Variants in PACC1 observed in about 807,000 individuals in gnomAD.
The protein encoded by PACC1 is proton activated chloride channel 1, also known as proton-activated chloride channel.
In PACC1, 34 loss-of-function variants were observed where a neutral mutation model predicts 39.7. The observed-to-expected ratio is 0.86, with a 90% CI of 0.65 to 1.14. The LOEUF is 1.14. PACC1 is among the 50% of genes most tolerant of loss of function. The pLI, the probability that PACC1 is intolerant of heterozygous loss-of-function variation, is 0.00. For missense variants in PACC1, 379 were observed against 436.4 expected, an observed-to-expected ratio of 0.87 and a Z score of 1.17; for synonymous variants, 127 against 160.6, an observed-to-expected ratio of 0.79 and a Z score of 1.58.
chr1:212,387,191 C>T (rs144983081), intron 2 of PACC1, 91 bp from the exon 3 acceptor site: 2 of 1,349,538 alleles, frequency 1.5e-6, no homozygotes, highest in African/African-American at 1.4e-5. Context: ...GCCTGCCTCA[C>T]CAAGGAGGTG....
intron 4 of PACC1, among the ~76,000 whole-genome samples, chr1:212,384,463 A>C (rs1298601745): frequency 2.0e-5 from 3 of 152,142 alleles, no homozygotes; most frequent in Non-Finnish European, 4.4e-5. Flanking sequence ...TCCTGACCCT[A>C]TGAAACATTT....
At chr1:212,410,764 C>T (rs533730368) in intron 1 of PACC1, among the ~76,000 whole-genome samples, 7 of 152,304 alleles carry the variant, frequency 4.6e-5, no homozygotes, top group Middle Eastern at 6.8e-3. Flanking sequence ...CTTAAAACAA[C>T]GGAAATGTCT....
rs112295828 is a variant in PACC1, at chr1:212,414,759, G to A, written c.-2C>T. 6 of 1,613,456 alleles carry A rather than the reference G, an allele frequency of 3.7e-6. No homozygotes were observed. Among genetic ancestry groups the A allele is most frequent in the African/African-American group, 2.7e-5 (2 of 75,030 alleles). ...TGTGGAGCGCTCCTGCCGGATCATG[G>A]CACTGACCAGAGCTTCGGCACACCT... On this transcript the variant is annotated 5_prime_UTR_variant, in exon 1 of 8. Coordinates refer to ENST00000261455, the MANE Select transcript of PACC1 (RefSeq NM_018252.3).
At chr1:212,403,453 G>T (rs1661788533) in intron 2 of PACC1, among the ~76,000 whole-genome samples, 2 of 152,130 alleles carry the variant, frequency 1.3e-5, no homozygotes, top group South Asian at 4.1e-4. Flanking sequence ...GCCCCCATGG[G>T]ATTTCTCCAG....
At chr1:212,392,005 T>C (rs942246258) in intron 2 of PACC1, among the ~76,000 whole-genome samples, 4 of 152,160 alleles carry the variant, frequency 2.6e-5, no homozygotes, top group Admixed American at 6.5e-5. Flanking sequence ...TGGAACCAAG[T>C]TGGAAAACAC....
At chr1:212,370,440 G>C (rs1025496350) in intron 7 of PACC1, among the ~76,000 whole-genome samples, 1 of 152,224 alleles carries the variant, frequency 6.6e-6, no homozygotes, top group African/African-American at 2.4e-5. Context: ...CTGCACTCCA[G>C]CCTGGGCGAC....
chr1:212,414,825 G>GC lies in PACC1; in HGVS notation c.-69dup. ...CGCGGCGCACGGACGCAGCACTGCG[G>GC]CCGCTGCACCTGGACCTACCGGCTC... On this transcript the variant is annotated 5_prime_UTR_variant, in exon 1 of 8. Transcript: ENST00000261455. 1 of 1,594,108 alleles carries GC rather than the reference G, an allele frequency of 6.3e-7. No homozygotes were observed. The highest frequency in any genetic ancestry group is 8.6e-7 in the Non-Finnish European group (1 of 1,164,148).
intron 4 of PACC1, among the ~76,000 whole-genome samples, chr1:212,383,708 TA>T (rs1174215599): frequency 6.6e-6 from 1 of 152,196 alleles, no homozygotes; most frequent in Non-Finnish European, 1.5e-5. Flanking sequence ...TCTGTTTCTC[TA>T]ATAGGCCTCT....
intron 4 of PACC1, among the ~76,000 whole-genome samples, chr1:212,383,657 A>T (rs1660987497): frequency 6.6e-6 from 1 of 152,182 alleles, no homozygotes; most frequent in Admixed American, 6.5e-5. Context: ...TAGGTTGACT[A>T]GTATAGGTCT....
At chr1:212,390,686 T>A (rs4548507) in intron 2 of PACC1, among the ~76,000 whole-genome samples, 66,487 of 151,908 alleles carry the variant, frequency 0.44, 15,332 homozygotes, top group African/African-American at 0.59. Flanking sequence ...GAATTCCCTT[T>A]CATAGCCAAG....
At chr1:212,371,473 T>A (rs921652339) in intron 7 of PACC1, among the ~76,000 whole-genome samples, 2 of 152,066 alleles carry the variant, frequency 1.3e-5, no homozygotes, top group African/African-American at 4.8e-5. Flanking sequence ...AATTCCTGGA[T>A]ACATTGTCTA....
intron 2 of PACC1, among the ~76,000 whole-genome samples, chr1:212,398,158 C>T (rs1406943563): frequency 6.6e-6 from 1 of 152,134 alleles, no homozygotes; most frequent in African/African-American, 2.4e-5. Context: ...ATGAAGTGCT[C>T]ATTTATGAAA....
chr1:212,394,356 T>C (rs528056808), intron 2 of PACC1, among the ~76,000 whole-genome samples: 1 of 152,332 alleles, frequency 6.6e-6, no homozygotes, highest in African/African-American at 2.4e-5. Context: ...TCTCAATAGA[T>C]GCAGAAAAGG....
intron 7 of PACC1, among the ~76,000 whole-genome samples, chr1:212,368,378 C>T (rs1660319804): frequency 6.6e-6 from 1 of 152,062 alleles, no homozygotes; most frequent in South Asian, 2.1e-4. Flanking sequence ...ACAATCTCAT[C>T]AAACAGACTA....
chr1:212,372,276 CT>C (rs1380194188), intron 7 of PACC1, among the ~76,000 whole-genome samples: 1 of 117,082 alleles, frequency 8.5e-6, no homozygotes, highest in Non-Finnish European at 1.7e-5. Context: ...CAGAATGAAA[CT>C]GTGTCAAAAA....
intron 2 of PACC1, among the ~76,000 whole-genome samples, chr1:212,389,215 G>A (rs562743021): frequency 6.6e-6 from 1 of 152,294 alleles, no homozygotes; most frequent in African/African-American, 2.4e-5. Flanking sequence ...GGCTGGAAGA[G>A]CAGCCAGAAA....
At chr1:212,385,160 G>T in intron 4 of PACC1, 114 bp downstream of exon 4, 1 of 1,202,532 alleles carries the variant, frequency 8.3e-7, no homozygotes, top group Non-Finnish European at 1.2e-6. Context: ...GGGGACTAAG[G>T]CCCCACACTG....
chr1:212,414,193 G>A (rs1662242491), intron 1 of PACC1: 5 of 1,218,796 alleles, frequency 4.1e-6, no homozygotes, highest in Non-Finnish European at 5.5e-6. Flanking sequence ...GTCCATGAAG[G>A]CACTTTTTCA....
At chr1:212,367,162 C>T (rs1163884624) in intron 7 of PACC1, among the ~76,000 whole-genome samples, 2 of 152,166 alleles carry the variant, frequency 1.3e-5, no homozygotes, top group African/African-American at 4.8e-5. Context: ...TAGTCCTCTG[C>T]AGCAACACCA....
Sources: gnomAD v4.1 joint callset for allele counts (sites outside exome capture counted in the v4.1 genomes callset) on GRCh38, gnomAD v4.1.1 for gene constraint, MANE v1.5 for transcripts, NCBI Gene and HGNC (gene_info 2026-07-23, HGNC 2026-07-21) for gene names.